Variants in SCARA5 observed in about 807,000 individuals in gnomAD.
SCARA5 encodes scavenger receptor class A, member 5 (putative).
SCARA5 carries 45 observed loss-of-function variants against 46.3 expected under a neutral mutation model. The ratio of observed to expected loss-of-function variants is 0.97; its 90% confidence interval spans 0.76 to 1.24. The LOEUF is 1.24. Among genes scored for constraint, SCARA5 ranks in the 50% most tolerant of loss-of-function variants. The pLI, the probability that SCARA5 is intolerant of heterozygous loss-of-function variation, is 0.00. For missense variants in SCARA5, 680 were observed against 689.0 expected (o/e 0.99, Z 0.15); for synonymous variants, 333 against 306.5 (o/e 1.09, Z -0.90).
Position 27,936,592 on chromosome 8 carries a change from T to TAAAAAA in SCARA5, c.242-14353_242-14348dup, listed in dbSNP as rs71222526. On this transcript the variant is annotated intron_variant, in intron 3 of 8. Coordinates refer to ENST00000354914, the MANE Select transcript of SCARA5 (RefSeq NM_173833.6). ...TGAGAGAGAAAGACTGTGTCTCCATTAAAAAAAAAAAAAAAAAAAGGTGGG... is the reference window on the plus strand; with the variant it reads ...TGAGAGAGAAAGACTGTGTCTCCATTAAAAAAAAAAAAAAAAAAAAAAAAAGGTGGG... Among the ~76,000 whole-genome samples the TAAAAAA allele has an allele frequency of 6.1e-4, 19 of 31,318 alleles. 3 individuals carry two copies. Among genetic ancestry groups the TAAAAAA allele is most frequent in the East Asian group, 3.4e-3 (2 of 586 alleles). 20.5% of individuals were successfully genotyped at this position (31,318 alleles called of 152,430 possible).
At chr8:27,921,084 G>A (rs1300125916) in intron 4 of SCARA5, among the ~76,000 whole-genome samples, 2 of 152,236 alleles carry the variant, frequency 1.3e-5, no homozygotes, top group Non-Finnish European at 2.9e-5. Flanking sequence ...TTGCCTAAAT[G>A]AGTAAGTCTT....
intron 7 of SCARA5, among the ~76,000 whole-genome samples, chr8:27,893,367 G>A (rs1042598517): frequency 1.3e-5 from 2 of 152,176 alleles, no homozygotes; most frequent in East Asian, 1.9e-4. Flanking sequence ...CTGCGACCAC[G>A]CTTGAGCTCC....
chr8:27,978,194 T>A (rs1011434425), intron 2 of SCARA5, among the ~76,000 whole-genome samples: 2 of 32,832 alleles, frequency 6.1e-5, no homozygotes, highest in African/African-American at 1.9e-4. Context: ...ATCCGGCTAA[T>A]TTTTTTTTTT....
At position 27,966,537 on chromosome 8, in the gene SCARA5, A is replaced by G. The variant is rs111460095; in HGVS notation, c.118T>C (p.Cys40Arg). Residue 40 changes from cysteine to arginine, a missense_variant, in exon 3 of 9, where the codon TGT (cysteine) becomes CGT (arginine). By Grantham distance (180) the Cys-to-Arg change is radical (BLOSUM62 -3). Transcript: ENST00000354914. The stretch of plus-strand genomic sequence containing the variant: ...CAGATGCTTGCCCGCCGTTTGTGAC[A>G]TGGACCTGGACAATAAGGGTAAGAG... Reference protein sequence around the residue: ...SKLNLCEDGPCHKRRASICCT... With the variant: ...SKLNLCEDGPRHKRRASICCT... The G allele has an allele frequency of 3.1e-6, 5 of 1,611,992 alleles. No homozygotes were observed. The highest frequency in any genetic ancestry group is 2.2e-5 in the East Asian group (1 of 44,846).
At chr8:27,873,407 A>T (rs986114996) in intron 8 of SCARA5, among the ~76,000 whole-genome samples, 9 of 152,194 alleles carry the variant, frequency 5.9e-5, no homozygotes, top group Non-Finnish European at 1.3e-4. Context: ...ACCTGCAAAC[A>T]TGTATGTCCA....
intron 2 of SCARA5, among the ~76,000 whole-genome samples, chr8:27,973,093 ACTGT>A (rs1430033971): frequency 6.6e-6 from 1 of 152,206 alleles, no homozygotes; most frequent in Non-Finnish European, 1.5e-5. Context: ...TGTGGCAAAG[ACTGT>A]CTATTACATT....
intron 3 of SCARA5, among the ~76,000 whole-genome samples, chr8:27,930,621 C>T (rs149174263): frequency 0.012 from 1,821 of 152,210 alleles, 47 homozygotes; most frequent in African/African-American, 0.042. Context: ...AGGCTGGTCT[C>T]GAACTCCGGA....
intron 4 of SCARA5, among the ~76,000 whole-genome samples, chr8:27,918,457 AG>A (rs1807502175): frequency 1.6e-5 from 1 of 60,952 alleles, no homozygotes; most frequent in Non-Finnish European, 3.1e-5. Flanking sequence ...GGAGCTAGAA[AG>A]GTTGGGGGGG....
At chr8:27,936,611 A>AAAAAAAAAAAAAAAAC (rs1807862022) in intron 3 of SCARA5, among the ~76,000 whole-genome samples, 1 of 147,684 alleles carries the variant, frequency 6.8e-6, no homozygotes, top group African/African-American at 2.5e-5. Context: ...AAAAAAAAAA[A>AAAAAAAAAAAAAAAAC]GGTGGGGATG....
chr8:27,991,985 C>T (rs1054524633), intron 1 of SCARA5, among the ~76,000 whole-genome samples: 6 of 152,164 alleles, frequency 3.9e-5, no homozygotes, highest in Admixed American at 3.3e-4. Flanking sequence ...TGACATGAGT[C>T]AGGTGGAGTA....
At chr8:27,951,624 C>T (rs565282891) in intron 3 of SCARA5, among the ~76,000 whole-genome samples, 19 of 152,270 alleles carry the variant, frequency 1.2e-4, no homozygotes, top group Admixed American at 2.0e-4. Flanking sequence ...GTGCCATCAG[C>T]GACTGCCCAT....
At chr8:27,924,405 A>G (rs1807648893) in intron 3 of SCARA5, among the ~76,000 whole-genome samples, 1 of 152,250 alleles carries the variant, frequency 6.6e-6, no homozygotes, top group Admixed American at 6.5e-5. Context: ...ACAATCTTTC[A>G]GTGATGCTTC....
intron 7 of SCARA5, among the ~76,000 whole-genome samples, chr8:27,894,941 G>A (rs905365871): frequency 2.0e-5 from 3 of 152,188 alleles, no homozygotes; most frequent in South Asian, 2.1e-4. Context: ...GAGGGGCTCT[G>A]AGAACGGAGC....
chr8:27,887,297 T>C (rs1429363275), intron 7 of SCARA5, among the ~76,000 whole-genome samples: 1 of 152,040 alleles, frequency 6.6e-6, no homozygotes, highest in Non-Finnish European at 1.5e-5. Flanking sequence ...ACCACTCCCG[T>C]GTGGGTATCT....
chr8:27,883,882 T>C (rs1806849254), intron 7 of SCARA5, among the ~76,000 whole-genome samples: 1 of 152,212 alleles, frequency 6.6e-6, no homozygotes, highest in African/African-American at 2.4e-5. Flanking sequence ...CCTGGACTTT[T>C]GTTTTTCCTT....
intron 6 of SCARA5, among the ~76,000 whole-genome samples, chr8:27,906,854 C>T (rs1374820178): frequency 1.3e-5 from 2 of 152,164 alleles, no homozygotes; most frequent in Non-Finnish European, 2.9e-5. Context: ...TAAGTGCCAC[C>T]ACACTTGGCT....
intron 7 of SCARA5, among the ~76,000 whole-genome samples, chr8:27,880,435 A>G (rs1806793093): frequency 6.6e-6 from 1 of 151,960 alleles, no homozygotes; most frequent in African/African-American, 2.4e-5. Flanking sequence ...CAGACAACCT[A>G]CAGAATGGGA....
chr8:27,889,335 C>T (rs536884915), intron 7 of SCARA5, among the ~76,000 whole-genome samples: 1 of 152,336 alleles, frequency 6.6e-6, no homozygotes, highest in South Asian at 2.1e-4. Context: ...ATGACATCAT[C>T]TTTGGGCTTT....
chr8:27,893,006 C>T (rs559926299), intron 7 of SCARA5, among the ~76,000 whole-genome samples: 2 of 152,274 alleles, frequency 1.3e-5, no homozygotes, highest in Admixed American at 6.5e-5. Context: ...TGTGAGCTCC[C>T]ACCCCTGGTC....
Sources: allele counts gnomAD v4.1 joint callset (sites outside exome capture counted in the v4.1 genomes callset), GRCh38; gene constraint gnomAD v4.1.1; transcripts MANE v1.5; gene names NCBI Gene and HGNC (gene_info 2026-07-23, HGNC 2026-07-21).